The following FREM1 variants were observed in gnomAD, a reference collection of about 807,000 sequenced individuals.
FREM1 encodes FRAS1 related extracellular matrix 1.
Under a neutral mutation model 210.1 loss-of-function variants are expected in FREM1, and 220 were observed. The ratio of observed to expected loss-of-function variants is 1.05; its 90% CI spans 0.94 to 1.17. FREM1 has a LOEUF of 1.17. Ranked by LOEUF, FREM1 falls within the 50% of genes most tolerant of loss-of-function variation. The probability of loss-of-function intolerance (pLI) is 0.00; values close to 1 mark genes in which losing one functional copy is unlikely to be tolerated. For synonymous variants in FREM1, 1,189 were observed against 980.2 expected (o/e 1.21, Z -3.98); for missense variants, 3,454 against 2,675.5 (o/e 1.29, Z -6.42).
intron 4 of FREM1, among the ~76,000 whole-genome samples, chr9:14,858,742 T>G (rs1454324413): frequency 2.0e-5 from 3 of 152,182 alleles, no homozygotes; most frequent in Admixed American, 6.5e-5. Flanking sequence ...CTATCACTGC[T>G]ACCCACTAGC....
intron 14 of FREM1, among the ~76,000 whole-genome samples, chr9:14,818,377 G>T (rs2130686401): frequency 6.6e-6 from 1 of 152,272 alleles, no homozygotes; most frequent in South Asian, 2.1e-4. Context: ...AAACTGTCAG[G>T]ATTAAACTCA....
At chr9:14,821,628 A>ACACCTTTCCATTCTTT (rs1821333370) in intron 13 of FREM1, among the ~76,000 whole-genome samples, 1 of 152,126 alleles carries the variant, frequency 6.6e-6, no homozygotes, top group Non-Finnish European at 1.5e-5. Context: ...CAAAGAATGG[A>ACACCTTTCCATTCTTT]GTTAGTTTAA....
At chr9:14,763,539 G>A (rs1290189600) in intron 27 of FREM1, among the ~76,000 whole-genome samples, 1 of 152,154 alleles carries the variant, frequency 6.6e-6, no homozygotes, top group African/African-American at 2.4e-5. Flanking sequence ...GATAAATTCG[G>A]ATCCCTGAAA....
intron 10 of FREM1, 77 bp from the exon 11 acceptor site, chr9:14,825,069 C>A (rs1380642405): frequency 2.1e-6 from 2 of 937,760 alleles, no homozygotes; most frequent in East Asian, 2.5e-5. Flanking sequence ...ATCACCTAGT[C>A]ACAGTTAAGA....
Position 14,836,242 on chromosome 9 carries a change from C to T in FREM1, c.1881+5205G>A, listed in dbSNP as rs151172553. On this transcript the variant is annotated intron_variant, in intron 10 of 36. Transcript: ENST00000380880. The surrounding 1 kb of genome is among the most constrained non-coding windows in gnomAD (Gnocchi z 4.9). Reference sequence around the variant, plus strand: ...CTACTATTTGCAATAGGGTTATACACGGTAGCACCTTCAAACTAAAATATT... The same window carrying T: ...CTACTATTTGCAATAGGGTTATACATGGTAGCACCTTCAAACTAAAATATT... Among the ~76,000 whole-genome samples, 509 of 152,310 alleles carry T rather than the reference C, an allele frequency of 3.3e-3. 1 individual carries two copies. Among genetic ancestry groups the T allele is most frequent in the African/African-American group, 0.011 (463 of 41,564 alleles).
chr9:14,774,126 T>G (rs528273273), intron 25 of FREM1: 1 of 519,026 alleles, frequency 1.9e-6, no homozygotes, highest in South Asian at 1.4e-5. Flanking sequence ...TTTGCATTTT[T>G]TGGACCTCCT....
chr9:14,766,128 G>C (rs1275196391), intron 27 of FREM1, among the ~76,000 whole-genome samples: 2 of 152,118 alleles, frequency 1.3e-5, no homozygotes, highest in Admixed American at 1.3e-4. Context: ...AGTGACTTCA[G>C]GATAATTACT....
chr9:14,860,555 A>ATGTGTGTATATATGTG lies in FREM1; in HGVS notation c.330-1072_330-1071insCACATATATACACACA, dbSNP rs1564098631. On this transcript the variant is annotated intron_variant, in intron 3 of 36. Coordinates refer to ENST00000380880, the MANE Select transcript of FREM1 (RefSeq NM_001379081.2). The stretch of plus-strand genomic sequence containing the variant: ...TATGTATATATATACACATATATAT[A>ATGTGTGTATATATGTG]CACACATATATATACACATATATAT... Among the ~76,000 whole-genome samples the ATGTGTGTATATATGTG allele has an allele frequency of 4.4e-3, 510 of 116,528 alleles. 19 individuals are homozygous for ATGTGTGTATATATGTG. The highest frequency in any genetic ancestry group is 0.02 in the African/African-American group (484 of 23,932). The allele number at this position is 116,528 out of a possible 152,430, so 76.4% of individuals were successfully genotyped here.
chr9:14,807,064 T>C (rs554640085), intron 17 of FREM1, among the ~76,000 whole-genome samples: 22 of 152,298 alleles, frequency 1.4e-4, no homozygotes, highest in African/African-American at 5.3e-4. Context: ...AATTATATTT[T>C]TTTCTTGTCC....
chr9:14,875,257 G>C (rs1437109065), intron 1 of FREM1, among the ~76,000 whole-genome samples: 1 of 152,198 alleles, frequency 6.6e-6, no homozygotes, highest in Non-Finnish European at 1.5e-5. Flanking sequence ...ATATCTTGCA[G>C]AGTGTTTTCC....
chr9:14,881,138 C>G (rs1834719175), intron 1 of FREM1, among the ~76,000 whole-genome samples: 1 of 152,204 alleles, frequency 6.6e-6, no homozygotes, highest in African/African-American at 2.4e-5. Context: ...CTGGAATTCT[C>G]TTCTCCTGCC....
chr9:14,809,882 GTAT>G (rs1355673530), intron 16 of FREM1, among the ~76,000 whole-genome samples: 1 of 13,554 alleles, frequency 7.4e-5, no homozygotes, highest in Non-Finnish European at 1.9e-4. Flanking sequence ...TAGCACAGAT[GTAT>G]GTATGTATGT....
intron 25 of FREM1, among the ~76,000 whole-genome samples, chr9:14,773,278 C>T (rs552111232): frequency 2.6e-5 from 4 of 152,168 alleles, no homozygotes; most frequent in Non-Finnish European, 5.9e-5. Flanking sequence ...AAATGAATGT[C>T]AGGTTGTGCC....
At chr9:14,849,659 G>A (rs1482884395) in intron 6 of FREM1, among the ~76,000 whole-genome samples, 2 of 152,218 alleles carry the variant, frequency 1.3e-5, no homozygotes, top group East Asian at 3.9e-4. Flanking sequence ...AAACTACATG[G>A]GCAGGAGGTG....
At chr9:14,795,026 A>G (rs10810244) in intron 21 of FREM1, among the ~76,000 whole-genome samples, 27,570 of 150,800 alleles carry the variant, frequency 0.18, 2,961 homozygotes, top group South Asian at 0.25. Context: ...ATAGAAAAGA[A>G]AGAAAGAAAA....
chr9:14,807,837 G>T, intron 17 of FREM1, 103 bp downstream of exon 17: 1 of 820,598 alleles, frequency 1.2e-6, no homozygotes, highest in Non-Finnish European at 1.9e-6. Context: ...ATTCCATATG[G>T]TGGTTTTCTT....
chr9:14,808,030 G>C lies in FREM1; in HGVS notation c.2998C>G (p.Pro1000Ala). ...AAGGACGCATGAAGTGGAACAGATG[G>C]ATTGGGTCCATTGTAGCAACAGCCA... ...VNGCCYNGPNPSVPLHASFPV... is the reference protein window; with the variant it reads ...VNGCCYNGPNASVPLHASFPV... Residue 1000 changes from proline (P) to alanine (A), a missense_variant, in exon 17 of 37, where the codon CCA (proline) becomes GCA (alanine). Transcript: ENST00000380880. 1 of 1,613,602 alleles carries C rather than the reference G, an allele frequency of 6.2e-7. No individual in the cohort carries two copies. Among genetic ancestry groups the C allele is most frequent in the Non-Finnish European group, 8.5e-7 (1 of 1,179,534 alleles).
At chr9:14,859,538 T>C in intron 3 of FREM1, 54 bp from the exon 4 acceptor site, 1 of 1,426,440 alleles carries the variant, frequency 7.0e-7, no homozygotes, top group African/African-American at 1.4e-5. Context: ...GTATTTCTGA[T>C]ACCCATGTAC....
chr9:14,763,666 A>G (rs772338795), intron 27 of FREM1, among the ~76,000 whole-genome samples: 16 of 152,264 alleles, frequency 1.1e-4, no homozygotes, highest in Non-Finnish European at 2.2e-4. Context: ...GGTAAAGGAA[A>G]TGTTGTTTAA....
Sources: gnomAD v4.1 joint callset for allele counts (sites outside exome capture counted in the v4.1 genomes callset) on GRCh38, gnomAD v4.1.1 for gene constraint, Gnocchi (gnomAD v3.1) non-coding constraint, MANE v1.5 for transcripts, NCBI Gene and HGNC (gene_info 2026-07-23, HGNC 2026-07-21) for gene names.